The following MEIG1 variants were observed in gnomAD, a reference collection of about 807,000 sequenced individuals.
MEIG1 encodes the protein meiosis/spermiogenesis associated 1, also known as meiosis expressed gene 1 protein homolog.
Under a neutral mutation model 11.3 loss-of-function variants are expected in MEIG1, and 12 were observed. The ratio of observed to expected loss-of-function variants is 1.07; its 90% CI spans 0.68 to 1.73. The LOEUF is 1.73. Among genes scored for constraint, MEIG1 ranks in the 40% most tolerant of loss-of-function variants. MEIG1 has a pLI of 0.00. For synonymous variants in MEIG1, 41 were observed against 33.2 expected, an observed-to-expected ratio of 1.24 and a Z score of -0.81; for missense variants, 119 against 104.9, an observed-to-expected ratio of 1.13 and a Z score of -0.59.
At chr10:14,979,472 C>G (rs1197199890) in intron 1 of MEIG1, among the ~76,000 whole-genome samples, 7 of 151,894 alleles carry the variant, frequency 4.6e-5, no homozygotes, top group African/African-American at 1.7e-4. Context: ...TGTGTGTACA[C>G]CTTCTGATAT....
chr10:14,956,102 G>A (rs1398249916), upstream of MEIG1, among the ~76,000 whole-genome samples: 1 of 152,190 alleles, frequency 6.6e-6, no homozygotes, highest in Non-Finnish European at 1.5e-5. Flanking sequence ...CAAACAAAGG[G>A]AAATAGAGTC....
intron 1 of MEIG1, among the ~76,000 whole-genome samples, chr10:14,985,268 C>T (rs867348067): frequency 2.6e-5 from 4 of 151,872 alleles, no homozygotes; most frequent in Middle Eastern, 3.4e-3. Flanking sequence ...GGGGTATACA[C>T]CCTGTGATAT....
chr10:14,979,778 G>T (rs908777090), intron 1 of MEIG1, among the ~76,000 whole-genome samples: 1 of 151,674 alleles, frequency 6.6e-6, no homozygotes, highest in Non-Finnish European at 1.5e-5. Context: ...ATCACAGTGG[G>T]TGTGCACACA....
chr10:14,969,355 G>T (rs1283934299), intron 2 of MEIG1, among the ~76,000 whole-genome samples: 1 of 151,830 alleles, frequency 6.6e-6, no homozygotes, highest in African/African-American at 2.4e-5. Flanking sequence ...GGCTCAGGTG[G>T]GAGGATTGCT....
chr10:14,983,290 A>G (rs1843283695), intron 1 of MEIG1, among the ~76,000 whole-genome samples: 2 of 151,948 alleles, frequency 1.3e-5, no homozygotes, highest in South Asian at 4.1e-4. Flanking sequence ...GAATGCTATT[A>G]CTCCCAGTAT....
At position 14,978,858 on chromosome 10, in the gene MEIG1, C is replaced by T. The variant is rs183419429; in HGVS notation, n.66+6238C>T. On this transcript the variant is annotated intron_variant and non_coding_transcript_variant, in intron 1 of 2. Transcript: ENST00000467536. ...ATCACAGTTTCGTGGTATGTTACAACTTATGTCACACGGGGTGCACACCAA... is the reference window on the plus strand; with the variant it reads ...ATCACAGTTTCGTGGTATGTTACAATTTATGTCACACGGGGTGCACACCAA... Among the ~76,000 whole-genome samples, 11 of 151,824 alleles carry T rather than the reference C, an allele frequency of 7.2e-5. No individual in the cohort carries two copies. In the East Asian group the frequency reaches 1.9e-3, roughly 27 times the overall value.
chr10:14,978,677 A>G (rs1010509148), intron 1 of MEIG1, among the ~76,000 whole-genome samples: 6 of 152,046 alleles, frequency 3.9e-5, no homozygotes, highest in Non-Finnish European at 8.8e-5. Context: ...ACCTAATGTC[A>G]CAGGGTGTGT....
At chr10:14,986,825 G>A (rs967741901) in exon 2 of MEIG1, 2 of 366,128 alleles carry the variant, frequency 5.5e-6, no homozygotes, top group African/African-American at 4.3e-5. Context: ...TGGCCAAGCG[G>A]GTCTCGAACT....
intron 1 of MEIG1, among the ~76,000 whole-genome samples, chr10:14,965,731 A>G (rs1462750186): frequency 1.3e-5 from 2 of 149,040 alleles, no homozygotes; most frequent in African/African-American, 2.5e-5. Context: ...AGCTTTGAAT[A>G]TAAGTAATGG....
chr10:14,976,094 C>T (rs1043254279), downstream of MEIG1, among the ~76,000 whole-genome samples: 5 of 152,128 alleles, frequency 3.3e-5, no homozygotes, highest in Non-Finnish European at 5.9e-5. Flanking sequence ...GGGCGTCCGC[C>T]CCCTTGCGAC....
chr10:14,962,912 C>T (rs1843032109), intron 1 of MEIG1, among the ~76,000 whole-genome samples: 2 of 151,620 alleles, frequency 1.3e-5, no homozygotes, highest in South Asian at 2.1e-4. Context: ...TACAGGCATG[C>T]GCCACCATGC....
downstream of MEIG1, among the ~76,000 whole-genome samples, chr10:14,975,211 C>G (rs1843197827): frequency 6.6e-6 from 1 of 151,988 alleles, no homozygotes; most frequent in Non-Finnish European, 1.5e-5. Flanking sequence ...TGACATTGTT[C>G]CTAATATCCG....
upstream of MEIG1, among the ~76,000 whole-genome samples, chr10:14,955,556 C>T (rs560418008): frequency 2.0e-5 from 3 of 151,972 alleles, no homozygotes; most frequent in Non-Finnish European, 1.5e-5. Context: ...ATACAAAAAT[C>T]GGCCGGGCAT....
chr10:14,957,756 C>T (rs1842966555), upstream of MEIG1, among the ~76,000 whole-genome samples: 1 of 152,206 alleles, frequency 6.6e-6, no homozygotes, highest in African/African-American at 2.4e-5. Context: ...AGCGATTCTC[C>T]TGCCTCAGCC....
intron 1 of MEIG1, among the ~76,000 whole-genome samples, chr10:14,962,363 C>T (rs1250723106): frequency 6.6e-6 from 1 of 152,142 alleles, no homozygotes; most frequent in African/African-American, 2.4e-5. Flanking sequence ...CACTAGAGTT[C>T]CTACTATGGT....
chr10:14,975,960 C>T (rs1299400892), downstream of MEIG1, among the ~76,000 whole-genome samples: 7 of 152,122 alleles, frequency 4.6e-5, no homozygotes, highest in Non-Finnish European at 7.4e-5. Context: ...CCGTCTGTGA[C>T]ATAGTTGGTA....
chr10:14,964,200 T>A (rs185052506), intron 1 of MEIG1, among the ~76,000 whole-genome samples: 1 of 152,308 alleles, frequency 6.6e-6, no homozygotes, highest in Admixed American at 6.5e-5. Flanking sequence ...ACATCTTTCT[T>A]GTTTTTCATA....
At chr10:14,983,005 G>A (rs1328509820) in intron 1 of MEIG1, among the ~76,000 whole-genome samples, 1 of 151,764 alleles carries the variant, frequency 6.6e-6, no homozygotes, top group Non-Finnish European at 1.5e-5. Context: ...TATTAATATT[G>A]GTAATAGATA....
chr10:14,974,881 GGTA>G (rs1287272975), downstream of MEIG1, among the ~76,000 whole-genome samples: 1 of 151,738 alleles, frequency 6.6e-6, no homozygotes. Context: ...TATCAATATT[GGTA>G]ATAGATATTC....
Sources: gnomAD v4.1 joint callset for allele counts (sites outside exome capture counted in the v4.1 genomes callset) on GRCh38, gnomAD v4.1.1 for gene constraint, MANE v1.5 for transcripts, NCBI Gene and HGNC (gene_info 2026-07-23, HGNC 2026-07-21) for gene names.